SSH2: variants seen among roughly 807,000 people sequenced by gnomAD.
SSH2 encodes protein phosphatase Slingshot homolog 2.
Under a neutral mutation model 135.2 loss-of-function variants are expected in SSH2, and 37 were observed. The ratio of observed to expected loss-of-function variants is 0.27; its 90% CI spans 0.21 to 0.36. The LOEUF (loss-of-function observed/expected upper bound fraction) is 0.36, where lower values mean the gene tolerates loss of function less well. Ranked by LOEUF, SSH2 falls within the 10% of genes least tolerant of loss-of-function variation. The pLI is 1.00. For missense variants in SSH2, 1,408 were observed against 1,765.3 expected (o/e 0.80, Z 3.63); for synonymous variants, 628 against 646.2 (o/e 0.97, Z 0.43).
chr17:29,630,174 C>T lies in SSH2; in HGVS notation c.*667G>A, dbSNP rs2035609210. ...AGACCACTTGGATTTCATTTGGGGT[C>T]CTGTTTTAATTTCAAAAATAATTTT... On this transcript the variant is annotated 3_prime_UTR_variant, in exon 16 of 16. Transcript: ENST00000540801. 6.6e-6 allele frequency: 1 copy of T among 152,110 alleles called. No homozygotes were observed. The highest frequency in any genetic ancestry group is 6.5e-5 in the Admixed American group (1 of 15,282). The allele number at this position is 152,110 out of a possible 1,614,324, so 9.4% of individuals were successfully genotyped here.
intron 3 of SSH2, among the ~76,000 whole-genome samples, chr17:29,733,903 TTTC>T (rs1244312699): frequency 6.7e-6 from 1 of 150,136 alleles, no homozygotes; most frequent in African/African-American, 2.5e-5. Flanking sequence ...GGGTGTTTAA[TTTC>T]TTTCTTTTTT....
At chr17:29,911,143 T>C (rs2066757088) in intron 1 of SSH2, among the ~76,000 whole-genome samples, 1 of 152,180 alleles carries the variant, frequency 6.6e-6, no homozygotes, top group Admixed American at 6.5e-5. Context: ...AAGGGCTAGG[T>C]GCTATGCTAA....
In SSH2 at chr17:29,870,538, T is replaced by C. The variant is rs35754730; in HGVS notation, c.64-21609A>G. Among the ~76,000 whole-genome samples the C allele has an allele frequency of 1.6e-3, 246 of 152,310 alleles. 1 individual carries two copies. Among genetic ancestry groups the C allele is most frequent in the Non-Finnish European group, 2.8e-3 (190 of 68,020 alleles). On this transcript the variant is annotated intron_variant, in intron 1 of 15. Coordinates refer to ENST00000540801, the MANE Select transcript of SSH2 (RefSeq NM_001282129.2). ...GTTTAAAAAATTAAACAAAAATAAA[T>C]TTTAAAATCGAATAATAACAAAAGA... is the stretch of plus-strand genomic sequence containing the variant.
intron 12 of SSH2, among the ~76,000 whole-genome samples, chr17:29,653,196 A>G (rs948898092): frequency 3.3e-5 from 5 of 152,156 alleles, no homozygotes; most frequent in African/African-American, 1.2e-4. Context: ...AAGTCAGCAG[A>G]TTGGATGGAA....
At chr17:29,751,163 C>G (rs1390519109) in intron 3 of SSH2, among the ~76,000 whole-genome samples, 1 of 152,186 alleles carries the variant, frequency 6.6e-6, no homozygotes, top group Non-Finnish European at 1.5e-5. Flanking sequence ...TGCCTGTAAT[C>G]CCAGCACTCT....
chr17:29,709,113 T>A (rs1489880356), intron 3 of SSH2, among the ~76,000 whole-genome samples: 1 of 151,246 alleles, frequency 6.6e-6, no homozygotes. Flanking sequence ...TACATTACTT[T>A]ATTTAACCTT....
intron 1 of SSH2, among the ~76,000 whole-genome samples, chr17:29,865,322 G>A (rs2065835153): frequency 2.0e-5 from 3 of 152,186 alleles, no homozygotes; most frequent in Admixed American, 2.0e-4. Flanking sequence ...TCAGAGCTTG[G>A]AGGGAAGAAA....
intron 3 of SSH2, among the ~76,000 whole-genome samples, chr17:29,771,583 T>G (rs2151273468): frequency 6.6e-6 from 1 of 152,358 alleles, no homozygotes; most frequent in Middle Eastern, 3.4e-3. Flanking sequence ...TCTCTCTTGC[T>G]GCCTCTTGTT....
At position 29,818,577 on chromosome 17, in the gene SSH2, C is replaced by T. The variant is rs1299536699; in HGVS notation, c.145-24640G>A. 5.3e-4 allele frequency among the ~76,000 whole-genome samples: 81 copies of T among 151,798 alleles called. 1 individual carries two copies. Among genetic ancestry groups the T allele is most frequent in the Admixed American group, 5.3e-3 (81 of 15,234 alleles). On this transcript the variant is annotated intron_variant, in intron 2 of 15. Coordinates refer to ENST00000540801, the MANE Select transcript of SSH2 (RefSeq NM_001282129.2). ...AAGGGTATTCTTAAATCTAGATCTG[C>T]CCCCTCCCCAAAACTGAACAGAGCT...
Position 29,877,070 on chromosome 17 carries a change from T to C in SSH2, c.64-28141A>G, listed in dbSNP as rs923872006. On this transcript the variant is annotated intron_variant, in intron 1 of 15. Coordinates refer to ENST00000540801, the MANE Select transcript of SSH2 (RefSeq NM_001282129.2). ...TTAAAAAATGGGCAAAAGACTTGAA[T>C]AGACATTTCTCAAAAGAAGACATAC... 2.6e-5 allele frequency among the ~76,000 whole-genome samples: 4 copies of C among 152,170 alleles called. No homozygotes were observed. In the South Asian group the frequency reaches 8.3e-4, roughly 32 times the overall value.
At chr17:29,768,546 A>G (rs2041500410) in intron 3 of SSH2, among the ~76,000 whole-genome samples, 1 of 152,174 alleles carries the variant, frequency 6.6e-6, no homozygotes, top group Non-Finnish European at 1.5e-5. Context: ...TGTGGAGACT[A>G]CAGGTATGAA....
At chr17:29,850,345 G>A (rs1301382469) in intron 1 of SSH2, among the ~76,000 whole-genome samples, 2 of 152,164 alleles carry the variant, frequency 1.3e-5, no homozygotes, top group Admixed American at 1.3e-4. Flanking sequence ...GATCATTGAT[G>A]CATAAGCTTA....
At chr17:29,850,812 C>T (rs764831776) in intron 1 of SSH2, among the ~76,000 whole-genome samples, 1 of 152,056 alleles carries the variant, frequency 6.6e-6, no homozygotes, top group Admixed American at 6.6e-5. Flanking sequence ...GGTGAAACCC[C>T]GTCTCTACTA....
chr17:29,833,725 CCCTCCCTACTTCCCTCCCTTCCTTCTTT>C, intron 2 of SSH2, among the ~76,000 whole-genome samples: 1 of 100,474 alleles, frequency 1.0e-5, no homozygotes, highest in African/African-American at 3.9e-5. Context: ...CTCCTTCCCT[CCCTCCCTACTTCCCTCCCTTCCTTCTTT>C]CCTCCCTCCC....
chr17:29,899,982 T>C (rs1232984036), intron 1 of SSH2, among the ~76,000 whole-genome samples: 1 of 152,010 alleles, frequency 6.6e-6, no homozygotes, highest in Non-Finnish European at 1.5e-5. Context: ...ATGCCACATA[T>C]CTACAACTAT....
At chr17:29,801,464 C>T (rs2151314013) in intron 2 of SSH2, among the ~76,000 whole-genome samples, 1 of 152,310 alleles carries the variant, frequency 6.6e-6, no homozygotes, top group Middle Eastern at 3.4e-3. Flanking sequence ...TTTGTTCATG[C>T]TGTTGTATCA....
intron 1 of SSH2, among the ~76,000 whole-genome samples, chr17:29,913,350 ATATATATATATATATATATATAT>A (rs2066814665): frequency 3.2e-5 from 1 of 30,876 alleles, no homozygotes; most frequent in African/African-American, 1.1e-4. Flanking sequence ...AAAAAAAAAT[ATATATATATATATATATATATAT>A]ATATATATAT....
chr17:29,743,245 T>A (rs529121594), intron 3 of SSH2, among the ~76,000 whole-genome samples: 1 of 152,232 alleles, frequency 6.6e-6, no homozygotes, highest in African/African-American at 2.4e-5. Flanking sequence ...GAGTTCATTA[T>A]CAACTTTACT....
intron 6 of SSH2, among the ~76,000 whole-genome samples, chr17:29,680,135 G>A (rs2037908422): frequency 6.6e-6 from 1 of 152,122 alleles, no homozygotes; most frequent in Non-Finnish European, 1.5e-5. Flanking sequence ...ATTGGGGGAA[G>A]GGGAAACCAT....
Sources: allele counts gnomAD v4.1 joint callset (sites outside exome capture counted in the v4.1 genomes callset), GRCh38; gene constraint gnomAD v4.1.1; transcripts MANE v1.5; gene names NCBI Gene and HGNC (gene_info 2026-07-23, HGNC 2026-07-21).